Variants in NUP210L observed in about 807,000 individuals in gnomAD.
The protein encoded by NUP210L is nuclear pore membrane glycoprotein 210-like.
Under a neutral mutation model 208.5 loss-of-function variants are expected in NUP210L, and 74 were observed. The observed-to-expected ratio is 0.35, with a 90% CI of 0.29 to 0.43. The LOEUF is 0.43. Among genes scored for constraint, NUP210L ranks in the 20% least tolerant of loss-of-function variants. The pLI, the probability that NUP210L is intolerant of heterozygous loss-of-function variation, is 1.00. For synonymous variants in NUP210L, 780 were observed against 816.9 expected, an observed-to-expected ratio of 0.95 and a Z score of 0.77; for missense variants, 1,843 against 2,289.4, an observed-to-expected ratio of 0.81 and a Z score of 3.98.
At chr1:154,148,413 G>A (rs1250659466) in intron 2 of NUP210L, among the ~76,000 whole-genome samples, 1 of 152,132 alleles carries the variant, frequency 6.6e-6, no homozygotes, top group African/African-American at 2.4e-5. Flanking sequence ...ATACCGGGAA[G>A]CAAAGGTTGC....
At chr1:154,137,652 T>C (rs574608290) in intron 6 of NUP210L, among the ~76,000 whole-genome samples, 1 of 152,108 alleles carries the variant, frequency 6.6e-6, no homozygotes, top group Non-Finnish European at 1.5e-5. Context: ...GAGTTCAATG[T>C]TGCAATGAGC....
At chr1:154,137,991 T>C (rs1658634154) in intron 6 of NUP210L, 115 bp downstream of exon 6, 1 of 734,670 alleles carries the variant, frequency 1.4e-6, no homozygotes, top group Admixed American at 3.2e-5. Flanking sequence ...ATTAACACTT[T>C]ACCACAAAAT....
chr1:154,038,611 C>T (rs1236748415), intron 27 of NUP210L, among the ~76,000 whole-genome samples: 2 of 152,144 alleles, frequency 1.3e-5, no homozygotes, highest in Non-Finnish European at 2.9e-5. Context: ...TCCCAAAGTA[C>T]TAGGGTTACA....
At chr1:154,080,220 C>T (rs960034168) in intron 16 of NUP210L, among the ~76,000 whole-genome samples, 32 of 151,644 alleles carry the variant, frequency 2.1e-4, no homozygotes, top group African/African-American at 6.8e-4. Flanking sequence ...ATGAGCCAGG[C>T]ATTGTGGCGC....
rs571578840 is a variant in NUP210L, at chr1:154,154,112, CCT to C, written c.203+728_203+729del. Among the ~76,000 whole-genome samples the C allele has an allele frequency of 7.9e-5, 12 of 152,190 alleles. No individual in the cohort carries two copies. In the East Asian group the frequency reaches 2.1e-3, roughly 27 times the overall value. ...CATTATCCCGGAGTTGTGTGTACCC[CCT>C]GTCCTCACACTTCAAGCGGGTACCC... is the stretch of plus-strand genomic sequence containing the variant. On this transcript the variant is annotated intron_variant, in intron 1 of 39. Coordinates refer to ENST00000368559, the Ensembl canonical transcript of NUP210L.
At chr1:154,004,170 G>T (rs1471391153) in intron 35 of NUP210L, among the ~76,000 whole-genome samples, 1 of 150,704 alleles carries the variant, frequency 6.6e-6, no homozygotes, top group Non-Finnish European at 1.5e-5. Flanking sequence ...CTGGGTTCAC[G>T]CCATTCTTCT....
intron 34 of NUP210L, among the ~76,000 whole-genome samples, chr1:154,011,691 T>C (rs1348760288): frequency 7.4e-6 from 1 of 135,530 alleles, no homozygotes; most frequent in Non-Finnish European, 1.6e-5. Flanking sequence ...TTTTTTTTTT[T>C]TTTTTTTTTT....
At chr1:154,083,736 G>A (rs1435583583) in intron 16 of NUP210L, among the ~76,000 whole-genome samples, 1 of 152,022 alleles carries the variant, frequency 6.6e-6, no homozygotes, top group Non-Finnish European at 1.5e-5. Flanking sequence ...TGATTGTTGT[G>A]GTGGTGTGAG....
chr1:154,121,342 A>G lies in NUP210L; in HGVS notation c.1327-2534T>C, dbSNP rs568087986. 2.0e-5 allele frequency among the ~76,000 whole-genome samples: 3 copies of G among 152,230 alleles called. 1 individual carries two copies. Among genetic ancestry groups the G allele is most frequent in the African/African-American group, 7.2e-5 (3 of 41,532 alleles). On this transcript the variant is annotated intron_variant, in intron 10 of 39. Transcript: ENST00000368559. ...AGGTTCATTAAATCATTTAAGTCTA[A>G]TATCAGGGAACCCAGAACGAATTTG...
Position 154,029,889 on chromosome 1 carries a change from A to G in NUP210L, c.3855+7T>C. On this transcript the variant is annotated splice_region_variant and intron_variant, in intron 28 of 39. Coordinates refer to ENST00000368559, the Ensembl canonical transcript of NUP210L. ...TACGAAAATAAGATTTAGATTTGGA[A>G]GCTTACCAGGATCTGTACTTCATCA... is the stretch of plus-strand genomic sequence containing the variant. The G allele has an allele frequency of 1.3e-6, 2 of 1,594,042 alleles. No individual in the cohort carries two copies. The highest frequency in any genetic ancestry group is 1.7e-6 in the Non-Finnish European group (2 of 1,173,668).
chr1:154,139,810 A>C (rs377150658), exon 5 of NUP210L: 17 of 1,612,456 alleles, frequency 1.1e-5, no homozygotes, highest in Non-Finnish European at 1.4e-5. Flanking sequence ...ACCTTATAGA[A>C]TGGTTCATGA....
intron 7 of NUP210L, among the ~76,000 whole-genome samples, chr1:154,132,331 T>A (rs188143501): frequency 7.4e-4 from 112 of 152,312 alleles, no homozygotes; most frequent in African/African-American, 2.1e-3. Flanking sequence ...TCTTTCTTGA[T>A]CCTTGAGGAT....
intron 17 of NUP210L, 141 bp from the exon 18 acceptor site, chr1:154,061,815 A>G: frequency 3.1e-6 from 2 of 638,596 alleles, no homozygotes; most frequent in African/African-American, 1.9e-5. Flanking sequence ...GGGGAAATAC[A>G]TAAGAAAAAA....
chr1:154,058,801 A>G, intron 20 of NUP210L, 108 bp from the exon 21 acceptor site: 1 of 1,070,806 alleles, frequency 9.3e-7, no homozygotes, highest in Non-Finnish European at 1.4e-6. Flanking sequence ...GCTTTCTTTG[A>G]ACTGGGGACT....
At chr1:154,137,656 A>G (rs1658616049) in intron 6 of NUP210L, among the ~76,000 whole-genome samples, 2 of 152,060 alleles carry the variant, frequency 1.3e-5, no homozygotes, top group African/African-American at 4.8e-5. Context: ...TCAATGTTGC[A>G]ATGAGCCATG....
chr1:154,098,375 T>A (rs1381226718), intron 14 of NUP210L, among the ~76,000 whole-genome samples: 3 of 152,222 alleles, frequency 2.0e-5, no homozygotes, highest in Non-Finnish European at 4.4e-5. Context: ...CTGTTTGTGT[T>A]ATAGCTCTTT....
intron 33 of NUP210L, among the ~76,000 whole-genome samples, chr1:154,012,962 C>T (rs912336991): frequency 9.2e-5 from 13 of 141,362 alleles, no homozygotes; most frequent in Non-Finnish European, 1.7e-4. Flanking sequence ...GCCGACATTG[C>T]GCCATTACAC....
At chr1:154,049,595 C>A (rs2147977055) in intron 25 of NUP210L, among the ~76,000 whole-genome samples, 1 of 152,174 alleles carries the variant, frequency 6.6e-6, no homozygotes, top group South Asian at 2.1e-4. Flanking sequence ...AGTTACTGAA[C>A]AATTAGAAAA....
At chr1:154,091,945 C>A (rs1486248130) in intron 15 of NUP210L, among the ~76,000 whole-genome samples, 2 of 151,738 alleles carry the variant, frequency 1.3e-5, no homozygotes, top group Non-Finnish European at 2.9e-5. Flanking sequence ...GTGAAATAGG[C>A]CAGTCATAAA....
Sources: allele counts gnomAD v4.1 joint callset (sites outside exome capture counted in the v4.1 genomes callset), GRCh38; gene constraint gnomAD v4.1.1; transcripts MANE v1.5; gene names NCBI Gene and HGNC (gene_info 2026-07-23, HGNC 2026-07-21).